Variants in LIMK1 observed in about 807,000 individuals in gnomAD.
LIMK1 encodes the protein LIM domain kinase 1.
Under a neutral mutation model 77.6 loss-of-function variants are expected in LIMK1, and 21 were observed. That is an observed-to-expected ratio of 0.27 (90% CI 0.19 to 0.39). The LOEUF (loss-of-function observed/expected upper bound fraction) is 0.39. Among genes scored for constraint, LIMK1 ranks in the 10% least tolerant of loss-of-function variants. The pLI, the probability that LIMK1 is intolerant of heterozygous loss-of-function variation, is 1.00. For missense variants in LIMK1, 696 were observed against 901.6 expected, an observed-to-expected ratio of 0.77 and a Z score of 2.92; for synonymous variants, 358 against 370.0, an observed-to-expected ratio of 0.97 and a Z score of 0.37.
At chr7:74,087,390 C>T (rs1413191336) in intron 2 of LIMK1, among the ~76,000 whole-genome samples, 2 of 151,910 alleles carry the variant, frequency 1.3e-5, no homozygotes, top group African/African-American at 2.4e-5. Flanking sequence ...GGCAATAGAG[C>T]GAGACCCAGT....
rs200075270 is a variant in LIMK1 at position 74,102,867 on chromosome 7, C to CTT, written c.609-2991_609-2990dup. ...TTTAATCGTCATGTGTCATCAGTAT[C>CTT]TTTTTTTTTTTTTTTTTTGAGACGG... On this transcript the variant is annotated intron_variant, in intron 5 of 15. Transcript: ENST00000336180. 3.9e-4 allele frequency among the ~76,000 whole-genome samples: 53 copies of CTT among 135,406 alleles called. 1 individual carries two copies. The highest frequency in any genetic ancestry group is 6.2e-4 in the African/African-American group (23 of 37,146). 88.8% of individuals were successfully genotyped at this position (135,406 alleles called of 152,430 possible).
intron 13 of LIMK1, among the ~76,000 whole-genome samples, chr7:74,118,619 G>A (rs1056774758): frequency 8.6e-5 from 13 of 150,468 alleles, no homozygotes; most frequent in Admixed American, 7.3e-4. Flanking sequence ...ACATGGTTTC[G>A]GGCGCCCGTA....
At chr7:74,098,448 C>T (rs561656633) in intron 4 of LIMK1, among the ~76,000 whole-genome samples, 173 of 152,276 alleles carry the variant, frequency 1.1e-3, no homozygotes, top group African/African-American at 4.0e-3. Flanking sequence ...TTGTCCTGGC[C>T]GCCTTACAGG....
chr7:74,097,937 T>TC (rs1392547576), intron 4 of LIMK1, among the ~76,000 whole-genome samples: 2 of 152,162 alleles, frequency 1.3e-5, no homozygotes, highest in Admixed American at 1.3e-4. Context: ...CAGGAAATCC[T>TC]CCATTTTTAT....
At chr7:74,112,975 A>G (rs1799734277) in intron 12 of LIMK1, among the ~76,000 whole-genome samples, 1 of 152,082 alleles carries the variant, frequency 6.6e-6, no homozygotes, top group South Asian at 2.1e-4. Flanking sequence ...GAGGTGGTGT[A>G]TTCGTGTCCT....
chr7:74,110,291 G>A (rs1394283154), intron 10 of LIMK1: 1 of 151,948 alleles, frequency 6.6e-6, no homozygotes, highest in African/African-American at 2.4e-5. Context: ...AGGAGGTCGA[G>A]GCTGCACTCC....
chr7:74,105,920 C>T lies in LIMK1; in HGVS notation c.654C>T (p.His218=), dbSNP rs368032434. The change falls in exon 6 of 16, where the codon CAC becomes CAT. Residue 218 remains histidine, a synonymous_variant. Coordinates refer to ENST00000336180, the MANE Select transcript of LIMK1 (RefSeq NM_002314.4). ...CMSPDVKNSI[H]VGDRILEING... ...GCCCAGATGTGAAGAATTCCATCCACGTCGGAGACCGGATCTTGGAAATCA... is the reference window on the plus strand; with the variant it reads ...GCCCAGATGTGAAGAATTCCATCCATGTCGGAGACCGGATCTTGGAAATCA... The T allele has an allele frequency of 1.1e-5, 18 of 1,613,944 alleles. No homozygotes were observed. Among genetic ancestry groups the T allele is most frequent in the Middle Eastern group, 1.6e-4 (1 of 6,084 alleles).
rs1005415493 is a variant in LIMK1, at chr7:74,122,250, G to A, written c.*949G>A. Reference sequence around the variant, plus strand: ...AAGAGTTTGTATTATTTTTTCATACGGCTGCAGCAGCAGCTGCCAGGGGCT... The same window carrying A: ...AAGAGTTTGTATTATTTTTTCATACAGCTGCAGCAGCAGCTGCCAGGGGCT... On this transcript the variant is annotated 3_prime_UTR_variant, in exon 16 of 16. Transcript: ENST00000336180. 6.6e-6 allele frequency: 1 copy of A among 151,532 alleles called. No individual in the cohort carries two copies. The highest frequency in any genetic ancestry group is 1.5e-5 in the Non-Finnish European group (1 of 67,746). The allele number at this position is 151,532 out of a possible 1,614,324, so 9.4% of individuals were successfully genotyped here.
chr7:74,091,954 CTTTTTTTTTTTTTTT>C lies in LIMK1; in HGVS notation c.153-4653_153-4639del, dbSNP rs35254348. Among the ~76,000 whole-genome samples, 67 of 80,648 alleles carry C rather than the reference CTTTTTTTTTTTTTTT, an allele frequency of 8.3e-4. 2 individuals carry two copies. The East Asian group carries it at 0.022, about 26-fold the overall frequency. 52.9% of individuals were successfully genotyped at this position (80,648 alleles called of 152,430 possible). A position where few individuals can be genotyped will look rare whatever the true frequency, so the allele number is the denominator to read the frequency against. ...GTGGAAGGTGCCGTTGGCTGTACAG[CTTTTTTTTTTTTTTT>C]TTTTTTTTTTTTTTGAGACAGAGTC... On this transcript the variant is annotated intron_variant, in intron 2 of 15. Transcript: ENST00000336180.
At chr7:74,103,012 C>T (rs1236304818) in intron 5 of LIMK1, among the ~76,000 whole-genome samples, 12 of 152,032 alleles carry the variant, frequency 7.9e-5, no homozygotes, top group African/African-American at 2.7e-4. Context: ...AGATTACAGG[C>T]GTGCACCATT....
intron 5 of LIMK1, among the ~76,000 whole-genome samples, chr7:74,103,249 CT>C (rs1233300842): frequency 0.023 from 3,100 of 135,346 alleles, 65 homozygotes; most frequent in African/African-American, 0.063. Context: ...AATGTTTTTC[CT>C]TTTTTTTTTT....
chr7:74,104,458 T>C (rs1197521152), intron 5 of LIMK1, among the ~76,000 whole-genome samples: 1 of 152,000 alleles, frequency 6.6e-6, no homozygotes, highest in African/African-American at 2.4e-5. Context: ...AAACCCCATC[T>C]GTACTAAAAA....
intron 7 of LIMK1, among the ~76,000 whole-genome samples, chr7:74,106,641 T>C (rs1444275533): frequency 6.6e-6 from 1 of 152,098 alleles, no homozygotes; most frequent in Non-Finnish European, 1.5e-5. Flanking sequence ...GTGCCTGTAG[T>C]CCCAGCTACT....
intron 13 of LIMK1, 147 bp from the exon 14 acceptor site, chr7:74,120,436 C>T: frequency 1.3e-6 from 1 of 784,386 alleles, no homozygotes. Flanking sequence ...GAGCCTAAGC[C>T]TGGGTTCCCA....
At chr7:74,112,984 C>T (rs973373550) in intron 12 of LIMK1, among the ~76,000 whole-genome samples, 10 of 151,988 alleles carry the variant, frequency 6.6e-5, no homozygotes, top group Admixed American at 5.3e-4. Flanking sequence ...TATTCGTGTC[C>T]TGGGGCTGCC....
intron 15 of LIMK1, 31 bp downstream of exon 15, chr7:74,121,080 C>T (rs2066778): frequency 1.1e-5 from 18 of 1,595,338 alleles, no homozygotes; most frequent in East Asian, 2.2e-5. Flanking sequence ...GCCTGGGAGA[C>T]GGTGGGGCCG....
chr7:74,084,103 G>T, intron 1 of LIMK1, 58 bp downstream of exon 1: 1 of 986,722 alleles, frequency 1.0e-6, no homozygotes, highest in Non-Finnish European at 1.5e-6. Context: ...GGGCAGCGTG[G>T]GGCACGGGAG....
At position 74,115,864 on chromosome 7, in the gene LIMK1, G is replaced by T; in HGVS notation, c.1473G>T (p.Gln491His). Residue 491 changes from glutamine to histidine, a missense_variant, in exon 13 of 16, where the codon CAG (glutamine) becomes CAT (histidine). Physicochemically the swap from Gln to His is conservative, Grantham distance 24. Transcript: ENST00000336180. ...LARLMVDEKT[Q>H]PEGLRSLKKP... is the part of the protein sequence containing the mutation. ...GTCTCATGGTGGACGAGAAGACTCA[G>T]CCTGAGGGCCTGCGGAGCCTCAAGA... 1 of 1,614,192 alleles carries T rather than the reference G, an allele frequency of 6.2e-7. No individual in the cohort carries two copies. Among genetic ancestry groups the T allele is most frequent in the South Asian group, 1.1e-5 (1 of 91,092 alleles).
intron 3 of LIMK1, 42 bp from the exon 4 acceptor site, chr7:74,097,038 G>A: frequency 6.8e-7 from 1 of 1,473,650 alleles, no homozygotes; most frequent in Non-Finnish European, 9.4e-7. Flanking sequence ...GGGGTTGTTG[G>A]GTCTGCTGAG....
Sources: gnomAD v4.1 joint callset for allele counts (sites outside exome capture counted in the v4.1 genomes callset) on GRCh38, gnomAD v4.1.1 for gene constraint, MANE v1.5 for transcripts, NCBI Gene and HGNC (gene_info 2026-07-23, HGNC 2026-07-21) for gene names.